The following NECTIN3 variants were observed in gnomAD, a reference collection of about 807,000 sequenced individuals.
NECTIN3 encodes the protein nectin cell adhesion molecule 3.
Under a neutral mutation model 49.4 loss-of-function variants are expected in NECTIN3, and 8 were observed. The observed-to-expected ratio is 0.16, with a 90% confidence interval of 0.10 to 0.29. The LOEUF (loss-of-function observed/expected upper bound fraction) is 0.29, where lower values mean the gene tolerates loss of function less well. Among genes scored for constraint, NECTIN3 ranks in the 10% least tolerant of loss-of-function variants. NECTIN3 has a pLI of 1.00. For missense variants in NECTIN3, 581 were observed against 654.6 expected, an observed-to-expected ratio of 0.89 and a Z score of 1.23; for synonymous variants, 277 against 241.1, an observed-to-expected ratio of 1.15 and a Z score of -1.38.
At chr3:111,082,559 G>A (rs1034840622) in intron 1 of NECTIN3, among the ~76,000 whole-genome samples, 3 of 152,114 alleles carry the variant, frequency 2.0e-5, no homozygotes, top group Admixed American at 6.5e-5. Flanking sequence ...AGAGGTAAGG[G>A]CATTCGTGAC....
intron 4 of NECTIN3, among the ~76,000 whole-genome samples, chr3:111,125,891 A>G (rs1014471944): frequency 1.6e-4 from 24 of 152,236 alleles, no homozygotes; most frequent in African/African-American, 5.8e-4. Flanking sequence ...TTTTCTGAAT[A>G]AAATTTTTTT....
At chr3:111,101,423 G>T (rs552886087) in intron 1 of NECTIN3, among the ~76,000 whole-genome samples, 1 of 152,176 alleles carries the variant, frequency 6.6e-6, no homozygotes, top group East Asian at 1.9e-4. Context: ...AAATATTTTT[G>T]TAGAAATTTG....
rs1576150686 is a variant in NECTIN3, at chr3:111,134,955, T to G, written c.*740T>G. On this transcript the variant is annotated 3_prime_UTR_variant, in exon 6 of 6. Transcript: ENST00000485303. ...TGCAAGAGTAATAAAATACATACCT[T>G]TCAAACATGATAATTATTAGTTTTT... is the stretch of plus-strand genomic sequence containing the variant. The G allele has an allele frequency of 1.0e-6, 1 of 981,482 alleles. No individual in the cohort carries two copies. Among genetic ancestry groups the G allele is most frequent in the Non-Finnish European group, 1.2e-6 (1 of 826,804 alleles). 60.8% of individuals were successfully genotyped at this position (981,482 alleles called of 1,614,324 possible).
At chr3:111,178,192 T>A (rs1303332908) in intron 7 of NECTIN3, among the ~76,000 whole-genome samples, 1 of 152,254 alleles carries the variant, frequency 6.6e-6, no homozygotes, top group Admixed American at 6.5e-5. Flanking sequence ...ACTCTGTGGT[T>A]GACTTCAGAA....
upstream of NECTIN3, among the ~76,000 whole-genome samples, chr3:111,187,741 G>A (rs2035747329): frequency 6.6e-6 from 1 of 152,198 alleles, no homozygotes; most frequent in South Asian, 2.1e-4. Flanking sequence ...CTGTGGAAAA[G>A]GCAAAACAAT....
chr3:111,161,288 C>T (rs779240757), intron 7 of NECTIN3, among the ~76,000 whole-genome samples: 14 of 152,130 alleles, frequency 9.2e-5, no homozygotes, highest in Non-Finnish European at 1.8e-4. Context: ...TTAAATGCTG[C>T]CACTTGGCCT....
chr3:111,133,604 G>C (rs985150888), intron 5 of NECTIN3, 31 bp from the exon 6 acceptor site: 1 of 1,586,974 alleles, frequency 6.3e-7, no homozygotes, highest in Non-Finnish European at 8.6e-7. Context: ...TTGCCTTTCT[G>C]TGTCTTCTCT....
intron 7 of NECTIN3, among the ~76,000 whole-genome samples, chr3:111,184,566 T>G (rs2035686017): frequency 6.6e-6 from 1 of 152,164 alleles, no homozygotes; most frequent in Non-Finnish European, 1.5e-5. Context: ...CAAATAAACT[T>G]CTATTGTTTA....
chr3:111,118,042 T>G, intron 2 of NECTIN3, among the ~76,000 whole-genome samples: 1 of 151,742 alleles, frequency 6.6e-6, no homozygotes, highest in Non-Finnish European at 1.5e-5. Context: ...TTCTTTTGGG[T>G]ATATGAGTAG....
rs143716282 is a variant in NECTIN3 at position 111,099,415 on chromosome 3, C to T, written c.161-12615C>T. 6.3e-3 allele frequency among the ~76,000 whole-genome samples: 958 copies of T among 152,192 alleles called. 10 individuals carry two copies. Among genetic ancestry groups the T allele is most frequent in the African/African-American group, 0.022 (911 of 41,526 alleles). On this transcript the variant is annotated intron_variant, in intron 1 of 5. Coordinates refer to ENST00000485303, the MANE Select transcript of NECTIN3 (RefSeq NM_015480.3). Reference sequence around the variant, plus strand: ...AAATTTTCGCTTGGTTAACAAATTACGTGGTCACTGTAGCCATAACGTTCA... The same window carrying T: ...AAATTTTCGCTTGGTTAACAAATTATGTGGTCACTGTAGCCATAACGTTCA...
downstream of NECTIN3, among the ~76,000 whole-genome samples, chr3:111,139,621 C>T (rs958795289): frequency 4.0e-5 from 6 of 151,736 alleles, no homozygotes; most frequent in Non-Finnish European, 8.9e-5. Context: ...TCTATTAACC[C>T]TGTTCTTTTA....
In NECTIN3 at chr3:111,137,127, T is replaced by C. The variant is rs1034946116; in HGVS notation, c.*2912T>C. ...AGTACAGAAATTGAGAGAAATGTAGTCATTTTATATGTGAAAACATCTGAT... is the reference window on the plus strand; with the variant it reads ...AGTACAGAAATTGAGAGAAATGTAGCCATTTTATATGTGAAAACATCTGAT... On this transcript the variant is annotated 3_prime_UTR_variant, in exon 6 of 6. Coordinates refer to ENST00000485303, the MANE Select transcript of NECTIN3 (RefSeq NM_015480.3). The C allele has an allele frequency of 3.3e-5, 32 of 973,274 alleles. No homozygotes were observed. The highest frequency in any genetic ancestry group is 3.9e-5 in the Non-Finnish European group (32 of 819,170). 60.3% of individuals were successfully genotyped at this position (973,274 alleles called of 1,614,324 possible). A position where few individuals can be genotyped will look rare whatever the true frequency, so the allele number is the denominator to read the frequency against.
intron 7 of NECTIN3, among the ~76,000 whole-genome samples, chr3:111,183,086 A>G (rs1278964051): frequency 6.6e-6 from 1 of 151,542 alleles, no homozygotes; most frequent in Non-Finnish European, 1.5e-5. Context: ...ATGCATTTCA[A>G]TTTTTCCTTC....
chr3:111,133,910 A>G lies in NECTIN3; in HGVS notation c.1345A>G (p.Met449Val), dbSNP rs1319745687. 1.2e-5 allele frequency: 19 copies of G among 1,613,954 alleles called. No individual in the cohort carries two copies. Among genetic ancestry groups the G allele is most frequent in the Non-Finnish European group, 1.6e-5 (19 of 1,179,890 alleles). Residue 449 changes from methionine to valine, a missense_variant, in exon 6 of 6, where the codon ATG becomes GTG. By Grantham distance (21) the Met-to-Val change is conservative. This residue lies in a region of NECTIN3 where 238 missense variants were observed against 244.9 expected (regional missense o/e 0.97). Transcript: ENST00000485303. ...FAKNYIPPSD[M>V]QKESQIDVLQ... Reference sequence around the variant, plus strand: ...CAAGAACTACATTCCACCATCAGATATGCAAAAAGAATCACAAATAGATGT... The same window carrying G: ...CAAGAACTACATTCCACCATCAGATGTGCAAAAAGAATCACAAATAGATGT...
In NECTIN3 at chr3:111,118,827, C is replaced by A. The variant is rs542237553; in HGVS notation, c.674C>A (p.Ala225Glu). The change falls in exon 3 of 6, where the codon GCA becomes GAA. Residue 225 changes from alanine to glutamate, a missense_variant. By Grantham distance (107) the Ala-to-Glu change is moderately radical. Coordinates refer to ENST00000485303, the MANE Select transcript of NECTIN3 (RefSeq NM_015480.3). ...STTTSFPNET[A>E]TIISQYKLFP... Reference sequence around the variant, plus strand: ...ACAACTTCTTTTCCAAATGAAACGGCAACGATTATCAGCCAGTACAAGCTA... The same window carrying A: ...ACAACTTCTTTTCCAAATGAAACGGAAACGATTATCAGCCAGTACAAGCTA... The A allele has an allele frequency of 1.1e-5, 18 of 1,613,946 alleles. No individual in the cohort carries two copies. Among genetic ancestry groups the A allele is most frequent in the Non-Finnish European group, 1.3e-5 (15 of 1,180,018 alleles).
chr3:111,113,915 G>A lies in NECTIN3; in HGVS notation c.502+1544G>A, dbSNP rs930869486. Among the ~76,000 whole-genome samples, 6 of 152,016 alleles carry A rather than the reference G, an allele frequency of 3.9e-5. No homozygotes were observed. In the South Asian group the frequency reaches 6.2e-4, roughly 16 times the overall value. On this transcript the variant is annotated intron_variant, in intron 2 of 5. Transcript: ENST00000485303. ...TTGAGAATCACCTGTACCTGGAGGC[G>A]GAAGTTGCAGTGAGCCGAGATTATA... is the stretch of plus-strand genomic sequence containing the variant.
At chr3:111,148,698 T>C (rs1468857986) in intron 7 of NECTIN3, among the ~76,000 whole-genome samples, 3 of 152,164 alleles carry the variant, frequency 2.0e-5, no homozygotes, top group Admixed American at 6.6e-5. Flanking sequence ...TTAATAGTTC[T>C]GTAAATTATC....
intron 1 of NECTIN3, among the ~76,000 whole-genome samples, chr3:111,100,749 A>C (rs2032861508): frequency 6.6e-6 from 1 of 152,048 alleles, no homozygotes; most frequent in Non-Finnish European, 1.5e-5. Flanking sequence ...TTTAAAAATA[A>C]TTCATTAGTA....
At chr3:111,161,091 GA>G (rs1258609156) in intron 7 of NECTIN3, among the ~76,000 whole-genome samples, 1 of 152,220 alleles carries the variant, frequency 6.6e-6, no homozygotes, top group East Asian at 1.9e-4. Flanking sequence ...TTGAAAGTAA[GA>G]ATAAGTGTGA....
Sources: gnomAD v4.1 joint callset for allele counts (sites outside exome capture counted in the v4.1 genomes callset) on GRCh38, gnomAD v4.1.1 for gene constraint, gnomAD v4.1.1 regional missense constraint, MANE v1.5 for transcripts, NCBI Gene and HGNC (gene_info 2026-07-23, HGNC 2026-07-21) for gene names.